The following ANKRD44 variants were observed in gnomAD, a reference collection of about 807,000 sequenced individuals.
ANKRD44 encodes serine/threonine-protein phosphatase 6 regulatory ankyrin repeat subunit B.
In ANKRD44, 35 loss-of-function variants were observed where a neutral mutation model predicts 116.0. The observed-to-expected ratio is 0.30, with a 90% CI of 0.23 to 0.40. The LOEUF is 0.40. ANKRD44 is among the 10% of genes least tolerant of loss of function. The pLI, the probability that ANKRD44 is intolerant of heterozygous loss-of-function variation, is 1.00. For synonymous variants in ANKRD44, 435 were observed against 461.8 expected (o/e 0.94, Z 0.74); for missense variants, 1,014 against 1,242.6 (o/e 0.82, Z 2.77).
At chr2:197,088,566 A>G in intron 12 of ANKRD44, 145 bp downstream of exon 12, 1 of 509,874 alleles carries the variant, frequency 2.0e-6, no homozygotes, top group Non-Finnish European at 3.3e-6. Context: ...TGTGATGTGG[A>G]AATATAACAT....
intron 16 of ANKRD44, among the ~76,000 whole-genome samples, chr2:197,043,986 G>A (rs1012513463): frequency 6.6e-6 from 1 of 152,198 alleles, no homozygotes; most frequent in East Asian, 1.9e-4. Context: ...TCTTTTTAAA[G>A]TCAAGGGATC....
rs770431974 is a variant in ANKRD44 at position 197,122,642 on chromosome 2, T to C, written c.693+8A>G. On this transcript the variant is annotated splice_region_variant and intron_variant, in intron 7 of 27. Coordinates refer to ENST00000282272, the MANE Select transcript of ANKRD44 (RefSeq NM_001195144.2). ...TGGCCATGCATTGATGCATTCATCA[T>C]AGCTCACCTCCACCCCCAGGTTCAG... is the stretch of plus-strand genomic sequence containing the variant. 3.1e-6 allele frequency: 5 copies of C among 1,613,160 alleles called. No homozygotes were observed. The South Asian group carries it at 3.3e-5, about 11-fold the overall frequency.
intron 1 of ANKRD44, among the ~76,000 whole-genome samples, chr2:197,246,766 C>T (rs2082202849): frequency 1.3e-5 from 2 of 152,150 alleles, no homozygotes; most frequent in Non-Finnish European, 2.9e-5. Flanking sequence ...ATTTCATCCT[C>T]ACTATAACAC....
chr2:197,298,686 G>C (rs533847408), intron 1 of ANKRD44, among the ~76,000 whole-genome samples: 88 of 152,286 alleles, frequency 5.8e-4, no homozygotes, highest in Non-Finnish European at 1.1e-3. Context: ...ACTTTGGAAA[G>C]CCAAGCAGAT....
chr2:197,120,500 A>C (rs2078826662), intron 8 of ANKRD44, among the ~76,000 whole-genome samples: 2 of 152,096 alleles, frequency 1.3e-5, no homozygotes, highest in Admixed American at 6.6e-5. Flanking sequence ...TAATACAAAA[A>C]ATTAGCTGGG....
chr2:196,994,510 C>CTTCTTT (rs990806012), intron 26 of ANKRD44: 9 of 150,946 alleles, frequency 6.0e-5, no homozygotes, highest in Admixed American at 5.3e-4. Context: ...TCTTCTTCTT[C>CTTCTTT]TTTTCTTTTT....
At chr2:196,971,636 G>T (rs7591162) in intron 21 of ANKRD44, among the ~76,000 whole-genome samples, 8 of 151,950 alleles carry the variant, frequency 5.3e-5, no homozygotes, top group Non-Finnish European at 1.2e-4. Context: ...TTTGGCATGC[G>T]TGTCTCTACT....
rs552999236 is a variant in ANKRD44 at position 197,132,767 on chromosome 2, A to G, written c.261+3825T>C. ...TACACAGAAAATTATTATAGCTTAA[A>G]TTGAAAACCCAGTCTTTAATGAATA... On this transcript the variant is annotated intron_variant, in intron 4 of 27. Coordinates refer to ENST00000282272, the MANE Select transcript of ANKRD44 (RefSeq NM_001195144.2). 5.3e-5 allele frequency among the ~76,000 whole-genome samples: 8 copies of G among 152,254 alleles called. No individual in the cohort carries two copies. The South Asian group carries it at 1.7e-3, about 32-fold the overall frequency.
intron 1 of ANKRD44, among the ~76,000 whole-genome samples, chr2:197,271,894 G>A (rs893780284): frequency 2.0e-5 from 3 of 152,206 alleles, no homozygotes; most frequent in Admixed American, 6.5e-5. Context: ...GAGCCAGCAC[G>A]CCCAGCCCAA....
chr2:196,998,078 C>T (rs2076046614), intron 25 of ANKRD44, among the ~76,000 whole-genome samples: 1 of 152,182 alleles, frequency 6.6e-6, no homozygotes, highest in Non-Finnish European at 1.5e-5. Context: ...AGACAGACTA[C>T]AGCAAGAATG....
chr2:197,015,725 C>T, intron 17 of ANKRD44: 1 of 530,248 alleles, frequency 1.9e-6, no homozygotes, highest in Non-Finnish European at 3.4e-6. Flanking sequence ...GATGGTGGTC[C>T]TGGTTCTAGT....
intron 1 of ANKRD44, among the ~76,000 whole-genome samples, chr2:197,248,568 G>A (rs1410718047): frequency 5.4e-5 from 6 of 110,380 alleles, no homozygotes; most frequent in Admixed American, 1.1e-4. Context: ...GTGTGTGTGT[G>A]TGTGTGTGTG....
intron 3 of ANKRD44, among the ~76,000 whole-genome samples, chr2:197,143,168 T>C (rs1179176573): frequency 2.7e-5 from 4 of 145,554 alleles, no homozygotes; most frequent in African/African-American, 1.0e-4. Context: ...TTTTTTGAGA[T>C]GGAGTCTTTT....
intron 18 of ANKRD44, among the ~76,000 whole-genome samples, chr2:197,010,152 G>C (rs982301418): frequency 6.6e-6 from 1 of 152,104 alleles, no homozygotes; most frequent in Non-Finnish European, 1.5e-5. Flanking sequence ...TCTTCTCCCA[G>C]GTCGTTTTAC....
chr2:197,306,822 T>C (rs1320532565), intron 1 of ANKRD44, among the ~76,000 whole-genome samples: 1 of 152,194 alleles, frequency 6.6e-6, no homozygotes, highest in Non-Finnish European at 1.5e-5. Context: ...AACTAGGACT[T>C]GGCAAGGGAA....
At chr2:197,051,426 T>C (rs1046904647) in intron 16 of ANKRD44, among the ~76,000 whole-genome samples, 6 of 151,160 alleles carry the variant, frequency 4.0e-5, no homozygotes, top group Non-Finnish European at 1.5e-5. Context: ...GAGGGTCTTG[T>C]TCTGTCACCC....
In ANKRD44 at chr2:197,186,612, C is replaced by CTTTTTTTTTT. The variant is rs149107038; in HGVS notation, c.111+401_111+410dup. 2.4e-3 allele frequency among the ~76,000 whole-genome samples: 122 copies of CTTTTTTTTTT among 50,800 alleles called. 17 individuals carry two copies. The highest frequency in any genetic ancestry group is 3.2e-3 in the South Asian group (2 of 624). The allele number at this position is 50,800 out of a possible 152,430, so 33.3% of individuals were successfully genotyped here. A position where few individuals can be genotyped will look rare whatever the true frequency, so the allele number is the denominator to read the frequency against. ...CCATCACTATGCCCGGCTAATTTTT[C>CTTTTTTTTTT]TTTTTTTTTTTTTTTTTTTTTTTTT... is the stretch of plus-strand genomic sequence containing the variant. On this transcript the variant is annotated intron_variant, in intron 2 of 27. Coordinates refer to ENST00000282272, the MANE Select transcript of ANKRD44 (RefSeq NM_001195144.2).
intron 2 of ANKRD44, among the ~76,000 whole-genome samples, chr2:197,176,269 A>C (rs2080361764): frequency 6.6e-6 from 1 of 152,218 alleles, no homozygotes; most frequent in South Asian, 2.1e-4. Flanking sequence ...AGTAAACTAC[A>C]TGTCTACTTT....
chr2:197,249,116 T>A (rs1265372789), intron 1 of ANKRD44, among the ~76,000 whole-genome samples: 2 of 151,634 alleles, frequency 1.3e-5, no homozygotes, highest in Non-Finnish European at 2.9e-5. Flanking sequence ...ACAAAAAAAA[T>A]ACAGTAATTA....
Sources: gnomAD v4.1 joint callset for allele counts (sites outside exome capture counted in the v4.1 genomes callset) on GRCh38, gnomAD v4.1.1 for gene constraint, MANE v1.5 for transcripts, NCBI Gene and HGNC (gene_info 2026-07-23, HGNC 2026-07-21) for gene names.